Variants in GRIA2 observed in about 807,000 individuals in gnomAD.
GRIA2 encodes the protein glutamate ionotropic receptor AMPA type subunit 2.
GRIA2 carries 14 observed loss-of-function variants against 97.3 expected under a neutral mutation model. The observed-to-expected ratio is 0.14, with a 90% CI of 0.10 to 0.23. The LOEUF is 0.23. Ranked by LOEUF, GRIA2 falls within the 10% of genes least tolerant of loss-of-function variation. The pLI, the probability that GRIA2 is intolerant of heterozygous loss-of-function variation, is 1.00. For synonymous variants in GRIA2, 412 were observed against 387.8 expected, an observed-to-expected ratio of 1.06 and a Z score of -0.73; for missense variants, 558 against 1,069.8, an observed-to-expected ratio of 0.52 and a Z score of 6.67.
intron 9 of GRIA2, 144 bp downstream of exon 9, chr4:157,334,264 A>T (rs547324231): frequency 3.4e-6 from 2 of 592,362 alleles, no homozygotes; most frequent in South Asian, 3.9e-5. Context: ...TTACTCTGTT[A>T]AAAGGAATAC....
At chr4:157,246,850 C>G (rs1016473001) in intron 2 of GRIA2, among the ~76,000 whole-genome samples, 3 of 152,098 alleles carry the variant, frequency 2.0e-5, no homozygotes, top group Admixed American at 1.3e-4. Context: ...GAAACATACT[C>G]AGATACACAT....
chr4:157,317,301 T>C (rs1175609661), intron 4 of GRIA2, among the ~76,000 whole-genome samples: 2 of 152,144 alleles, frequency 1.3e-5, no homozygotes, highest in African/African-American at 4.8e-5. Context: ...GACAAAAACA[T>C]AGCCTTTGTA....
chr4:157,221,714 G>A lies in GRIA2; in HGVS notation c.136G>A (p.Val46Ile), dbSNP rs755758218. ...CGATCAAGAATACAGTGCATTTCGA[G>A]TAGGGATGGTTCAGTTTTCCACTTC... ...GADQEYSAFRVGMVQFSTSEF... is the reference protein window; with the variant it reads ...GADQEYSAFRIGMVQFSTSEF... Residue 46 changes from valine (V) to isoleucine (I), a missense_variant, in exon 2 of 16, where the codon GTA (valine) becomes ATA (isoleucine). By Grantham distance (29) the Val-to-Ile change is conservative. This residue lies in a region of GRIA2 where 96 missense variants were observed against 176.6 expected (regional missense o/e 0.54). Coordinates refer to ENST00000264426, the MANE Select transcript of GRIA2 (RefSeq NM_001083619.3). 6.2e-7 allele frequency: 1 copy of A among 1,614,094 alleles called. No individual in the cohort carries two copies. Among genetic ancestry groups the A allele is most frequent in the Admixed American group, 1.7e-5 (1 of 60,034 alleles).
intron 2 of GRIA2, among the ~76,000 whole-genome samples, chr4:157,231,472 C>G: frequency 6.6e-6 from 1 of 152,136 alleles, no homozygotes; most frequent in East Asian, 1.9e-4. Context: ...CAACCATCCT[C>G]GGCTAACAAT....
chr4:157,339,703 C>CATGT (rs997695124), intron 11 of GRIA2, among the ~76,000 whole-genome samples: 2 of 151,734 alleles, frequency 1.3e-5, no homozygotes, highest in African/African-American at 4.8e-5. Flanking sequence ...AAGCAATTAC[C>CATGT]ATGTAATCAG....
At chr4:157,356,974 A>C (rs1736411789) in intron 12 of GRIA2, among the ~76,000 whole-genome samples, 1 of 152,140 alleles carries the variant, frequency 6.6e-6, no homozygotes, top group Admixed American at 6.6e-5. Flanking sequence ...GCACCAACCT[A>C]ATGAAAAATA....
chr4:157,244,732 A>G (rs930819023), intron 2 of GRIA2, among the ~76,000 whole-genome samples: 6 of 152,112 alleles, frequency 3.9e-5, no homozygotes, highest in African/African-American at 1.2e-4. Flanking sequence ...TCTGAACAAT[A>G]ATCTGTTGGC....
chr4:157,230,769 T>A (rs1245776389), intron 2 of GRIA2, among the ~76,000 whole-genome samples: 1 of 152,146 alleles, frequency 6.6e-6, no homozygotes, highest in Non-Finnish European at 1.5e-5. Context: ...TGTCAAATAA[T>A]GGAAGCTAGT....
intron 2 of GRIA2, among the ~76,000 whole-genome samples, chr4:157,299,198 A>G (rs899584634): frequency 1.2e-4 from 19 of 152,118 alleles, no homozygotes; most frequent in African/African-American, 4.6e-4. Context: ...AGATCCAAAG[A>G]AGAGATGATT....
At chr4:157,336,273 A>C (rs760010324) in intron 10 of GRIA2, 104 bp from the exon 11 acceptor site, 6 of 959,690 alleles carry the variant, frequency 6.3e-6, no homozygotes, top group Non-Finnish European at 9.5e-6. Flanking sequence ...AATTATTGTC[A>C]TTTTTCTGAT....
At chr4:157,359,567 G>T (rs1431184723) in intron 12 of GRIA2, among the ~76,000 whole-genome samples, 1 of 151,942 alleles carries the variant, frequency 6.6e-6, no homozygotes, top group Non-Finnish European at 1.5e-5. Flanking sequence ...CCTTTTTGTT[G>T]TCTCCTAATT....
chr4:157,282,920 T>G (rs2126817631), intron 2 of GRIA2, among the ~76,000 whole-genome samples: 1 of 152,196 alleles, frequency 6.6e-6, no homozygotes, highest in African/African-American at 2.4e-5. Context: ...CTTTATTCAC[T>G]GACATAGAGT....
intron 2 of GRIA2, among the ~76,000 whole-genome samples, chr4:157,277,147 A>G (rs1297099611): frequency 1.3e-5 from 2 of 151,978 alleles, no homozygotes; most frequent in Non-Finnish European, 1.5e-5. Context: ...TTAACAAAAT[A>G]TTAGCAAATG....
chr4:157,237,438 G>T (rs1314353623), intron 2 of GRIA2, among the ~76,000 whole-genome samples: 2 of 152,000 alleles, frequency 1.3e-5, no homozygotes, highest in Non-Finnish European at 2.9e-5. Flanking sequence ...GGGACTACAG[G>T]CACATGCCAC....
chr4:157,327,554 T>C (rs1043466641), intron 6 of GRIA2, among the ~76,000 whole-genome samples: 1 of 152,126 alleles, frequency 6.6e-6, no homozygotes, highest in Admixed American at 6.6e-5. Context: ...CAAAAATAAT[T>C]TATGAATATT....
At chr4:157,262,372 AC>A (rs982955966) in intron 2 of GRIA2, among the ~76,000 whole-genome samples, 5 of 151,964 alleles carry the variant, frequency 3.3e-5, no homozygotes, top group Admixed American at 1.3e-4. Context: ...AATAATGGTA[AC>A]TTTTTTTTGC....
chr4:157,282,862 G>T (rs72962850), intron 2 of GRIA2, among the ~76,000 whole-genome samples: 9 of 151,992 alleles, frequency 5.9e-5, no homozygotes, highest in African/African-American at 9.7e-5. Context: ...ACATCCAAAA[G>T]AATGCACTGA....
In GRIA2 at chr4:157,221,948, G is replaced by T. The variant is rs911115533; in HGVS notation, c.229+141G>T. 4.8e-5 allele frequency: 35 copies of T among 726,756 alleles called. 2 individuals carry two copies. The South Asian group carries it at 5.4e-4, about 11-fold the overall frequency. The allele number at this position is 726,756 out of a possible 1,614,324, so 45.0% of individuals were successfully genotyped here. A position where few individuals can be genotyped will look rare whatever the true frequency, so the allele number is the denominator to read the frequency against. ...TGTGAGTGACTGCACACACGCGTGC[G>T]TGTGACCGTGTAGAGAGAAGGTGGC... On this transcript the variant is annotated intron_variant, in intron 2 of 15. Transcript: ENST00000264426.
chr4:157,336,156 T>C (rs10007366), intron 10 of GRIA2, among the ~76,000 whole-genome samples: 1 of 151,870 alleles, frequency 6.6e-6, no homozygotes, highest in South Asian at 2.1e-4. Flanking sequence ...AGATGTGTAA[T>C]GATCATAGTC....
Sources: allele counts gnomAD v4.1 joint callset (sites outside exome capture counted in the v4.1 genomes callset), GRCh38; gene constraint gnomAD v4.1.1; regional missense constraint gnomAD v4.1.1; transcripts MANE v1.5; gene names NCBI Gene and HGNC (gene_info 2026-07-23, HGNC 2026-07-21).